The following RELN variants were observed in gnomAD, a reference collection of about 807,000 sequenced individuals.
RELN encodes reelin.
Under a neutral mutation model 427.6 loss-of-function variants are expected in RELN, and 108 were observed. The observed-to-expected ratio is 0.25, with a 90% confidence interval of 0.22 to 0.30. The LOEUF (loss-of-function observed/expected upper bound fraction) is 0.30. Among genes scored for constraint, RELN ranks in the 10% least tolerant of loss-of-function variants. The pLI is 1.00. For synonymous variants in RELN, 1,524 were observed against 1,513.4 expected (o/e 1.01, Z -0.16); for missense variants, 3,715 against 4,302.8 (o/e 0.86, Z 3.82).
At chr7:103,477,583 C>A (rs1320909669) in intron 64 of RELN, among the ~76,000 whole-genome samples, 1 of 152,198 alleles carries the variant, frequency 6.6e-6, no homozygotes, top group African/African-American at 2.4e-5. Flanking sequence ...AAAGGCCATG[C>A]ATTTTCAGGA....
intron 8 of RELN, among the ~76,000 whole-genome samples, chr7:103,717,897 T>C (rs969488814): frequency 2.6e-5 from 4 of 152,162 alleles, no homozygotes; most frequent in African/African-American, 9.7e-5. Flanking sequence ...GAACTACCTG[T>C]TCTAAAAGAG....
At chr7:103,485,363 A>G (rs1395984807) in intron 61 of RELN, among the ~76,000 whole-genome samples, 1 of 151,988 alleles carries the variant, frequency 6.6e-6, no homozygotes, top group Non-Finnish European at 1.5e-5. Context: ...TTGTGAAAAT[A>G]CAACACTAAT....
intron 2 of RELN, among the ~76,000 whole-genome samples, chr7:103,855,155 A>G (rs921366923): frequency 6.6e-6 from 1 of 152,242 alleles, no homozygotes; most frequent in South Asian, 2.1e-4. Flanking sequence ...GTCTTGAAAG[A>G]AAGAGTAAAA....
At chr7:103,671,560 T>G (rs923454480) in intron 11 of RELN, among the ~76,000 whole-genome samples, 4 of 152,144 alleles carry the variant, frequency 2.6e-5, no homozygotes, top group African/African-American at 7.2e-5. Context: ...TCCCGTAAAA[T>G]GTAGTGATAT....
In RELN at chr7:103,985,817, C is replaced by T. The variant is rs74391387; in HGVS notation, c.226+3314G>A. Among the ~76,000 whole-genome samples the T allele has an allele frequency of 5.4e-3, 824 of 152,228 alleles. 6 individuals carry two copies. The highest frequency in any genetic ancestry group is 0.019 in the African/African-American group (784 of 41,526). On this transcript the variant is annotated intron_variant, in intron 1 of 64. Coordinates refer to ENST00000428762, the MANE Select transcript of RELN (RefSeq NM_005045.4). ...GGTGAGGAAAGGTGCAGACTTCAAT[C>T]CAACCATCACACTTTTCACAATACT... is the stretch of plus-strand genomic sequence containing the variant.
intron 4 of RELN, among the ~76,000 whole-genome samples, chr7:103,774,767 CTT>C (rs1373456701): frequency 1.3e-5 from 2 of 152,140 alleles, no homozygotes; most frequent in Non-Finnish European, 2.9e-5. Context: ...CTCTTGCACT[CTT>C]GTTAGCATTA....
intron 8 of RELN, among the ~76,000 whole-genome samples, chr7:103,715,492 A>G (rs1426396670): frequency 2.6e-5 from 4 of 152,168 alleles, no homozygotes; most frequent in Admixed American, 6.5e-5. Flanking sequence ...ACAGTGCGTG[A>G]TTTATTGTAC....
At chr7:103,832,673 G>C (rs1793303318) in intron 3 of RELN, among the ~76,000 whole-genome samples, 1 of 152,122 alleles carries the variant, frequency 6.6e-6, no homozygotes, top group African/African-American at 2.4e-5. Flanking sequence ...CACAGCCTTG[G>C]AACCATAGTG....
At chr7:103,476,475 T>C (rs1187560185) in intron 64 of RELN, among the ~76,000 whole-genome samples, 1 of 152,154 alleles carries the variant, frequency 6.6e-6, no homozygotes, top group Non-Finnish European at 1.5e-5. Context: ...GGTGAGACTC[T>C]GTCTCAAAAA....
chr7:103,914,368 T>C (rs1448945281), intron 2 of RELN, among the ~76,000 whole-genome samples: 1 of 152,010 alleles, frequency 6.6e-6, no homozygotes, highest in Admixed American at 6.6e-5. Flanking sequence ...TTCCCCGCAA[T>C]GACAAATGAT....
In RELN at chr7:103,989,288, C is replaced by A; in HGVS notation, c.69G>T (p.Ala23=). 1 of 1,613,032 alleles carries A rather than the reference C, an allele frequency of 6.2e-7. No individual in the cohort carries two copies. The highest frequency in any genetic ancestry group is 1.1e-5 in the South Asian group (1 of 91,056). The change falls in exon 1 of 65, where the codon GCG becomes GCT. Residue 23 remains alanine, a synonymous_variant. Transcript: ENST00000428762. The surrounding 1 kb of genome is among the most constrained non-coding windows in gnomAD (Gnocchi z 4.9). ...GGGGGTAATAGCCAGCCGCCGCGCG[C>A]GCCCTCAGCGTCGCCCCCAGCAACA... The part of the protein sequence containing the change: ...LALLLGATLR[A]RAAAGYYPRF...
chr7:103,676,604 G>A (rs1833530824), intron 11 of RELN, among the ~76,000 whole-genome samples: 1 of 152,142 alleles, frequency 6.6e-6, no homozygotes, highest in Non-Finnish European at 1.5e-5. Context: ...TGTTTATTGA[G>A]GCACTATTCA....
intron 2 of RELN, among the ~76,000 whole-genome samples, chr7:103,851,033 C>T (rs971637815): frequency 1.3e-5 from 2 of 152,134 alleles, no homozygotes; most frequent in Admixed American, 6.5e-5. Context: ...CTTGCACAGG[C>T]GTATTTATTG....
At chr7:103,705,830 C>G (rs988542967) in intron 8 of RELN, among the ~76,000 whole-genome samples, 1 of 152,164 alleles carries the variant, frequency 6.6e-6, no homozygotes, top group Non-Finnish European at 1.5e-5. Context: ...ATGACAGCAA[C>G]TGCTTCACAG....
At chr7:103,495,527 T>G (rs757699297) in intron 57 of RELN, among the ~76,000 whole-genome samples, 196 bp downstream of exon 57, 3 of 152,184 alleles carry the variant, frequency 2.0e-5, no homozygotes, top group Admixed American at 6.5e-5. Flanking sequence ...CCCAACATTT[T>G]CAGGGATTTT....
intron 8 of RELN, among the ~76,000 whole-genome samples, chr7:103,704,677 AT>A (rs1834163396): frequency 6.6e-6 from 1 of 150,944 alleles, no homozygotes; most frequent in African/African-American, 2.4e-5. Flanking sequence ...CTCATCTCCT[AT>A]CTAAAAAAAA....
intron 2 of RELN, among the ~76,000 whole-genome samples, chr7:103,841,970 A>G (rs1357563910): frequency 6.6e-6 from 1 of 152,180 alleles, no homozygotes; most frequent in Non-Finnish European, 1.5e-5. Context: ...TGGATAGGGT[A>G]TTACCAAACA....
At chr7:103,877,498 C>T (rs1794507014) in intron 2 of RELN, among the ~76,000 whole-genome samples, 1 of 152,174 alleles carries the variant, frequency 6.6e-6, no homozygotes, top group African/African-American at 2.4e-5. Flanking sequence ...GCACTTCTCT[C>T]TATTCCCTCT....
At chr7:103,863,004 G>A (rs1794107200) in intron 2 of RELN, among the ~76,000 whole-genome samples, 1 of 152,102 alleles carries the variant, frequency 6.6e-6, no homozygotes, top group African/African-American at 2.4e-5. Flanking sequence ...AGGCTAGGCA[G>A]CTAGAGCGCT....
Sources: gnomAD v4.1 joint callset for allele counts (sites outside exome capture counted in the v4.1 genomes callset) on GRCh38, gnomAD v4.1.1 for gene constraint, Gnocchi (gnomAD v3.1) non-coding constraint, MANE v1.5 for transcripts, NCBI Gene and HGNC (gene_info 2026-07-23, HGNC 2026-07-21) for gene names.